PCMTD1: variants seen among roughly 807,000 people sequenced by gnomAD.
PCMTD1 encodes the protein protein-L-isoaspartate (D-aspartate) O-methyltransferase domain containing 1, also known as protein-L-isoaspartate O-methyltransferase domain-containing protein 1.
A neutral mutation model predicts 37.6 loss-of-function variants in PCMTD1; 12 were observed. That is an observed-to-expected ratio of 0.32 (90% CI 0.20 to 0.52). The LOEUF is 0.52. Ranked by LOEUF, PCMTD1 falls within the 20% of genes least tolerant of loss-of-function variation. The pLI is 0.97. For synonymous variants in PCMTD1, 117 were observed against 135.8 expected, an observed-to-expected ratio of 0.86 and a Z score of 0.96; for missense variants, 235 against 421.3, an observed-to-expected ratio of 0.56 and a Z score of 3.87.
chr8:51,847,629 A>G (rs989192759), intron 2 of PCMTD1, among the ~76,000 whole-genome samples: 13 of 152,188 alleles, frequency 8.5e-5, no homozygotes, highest in Admixed American at 3.9e-4. Context: ...TCTGTCTCAA[A>G]AAAAGAAAAA....
intron 3 of PCMTD1, 49 bp from the exon 4 acceptor site, chr8:51,833,738 C>A (rs756167173): frequency 2.6e-6 from 4 of 1,520,638 alleles, no homozygotes; most frequent in Non-Finnish European, 3.6e-6. Flanking sequence ...AACATTAGAT[C>A]TAAAAAATTT....
At chr8:51,870,167 G>A (rs952465151) in intron 1 of PCMTD1, 1 of 152,246 alleles carries the variant, frequency 6.6e-6, no homozygotes, top group African/African-American at 2.4e-5. Context: ...CCAGAGGGAA[G>A]CAGTCAACTG....
intron 1 of PCMTD1, among the ~76,000 whole-genome samples, chr8:51,874,002 T>A (rs1418622484): frequency 6.6e-6 from 1 of 150,570 alleles, no homozygotes; most frequent in Non-Finnish European, 1.5e-5. Flanking sequence ...AAGCTCCGCC[T>A]CCCGGGTTCA....
At chr8:51,877,833 T>C (rs2129291081) in intron 1 of PCMTD1, among the ~76,000 whole-genome samples, 1 of 152,330 alleles carries the variant, frequency 6.6e-6, no homozygotes, top group Non-Finnish European at 1.5e-5. Context: ...TGGCATTGTA[T>C]CATTATTAAA....
In PCMTD1 at chr8:51,833,831, A is replaced by G. The variant is rs191655465; in HGVS notation, c.411-142T>C. 41 of 541,732 alleles carry G rather than the reference A, an allele frequency of 7.6e-5. No homozygotes were observed. In the East Asian group the frequency reaches 1.3e-3, roughly 18 times the overall value. The allele number at this position is 541,732 out of a possible 1,614,324, so 33.6% of individuals were successfully genotyped here. A position where few individuals can be genotyped will look rare whatever the true frequency, so the allele number is the denominator to read the frequency against. On this transcript the variant is annotated intron_variant, in intron 3 of 5. Transcript: ENST00000522514. ...TGATTATAAACTTTATTTAAATATAATATTTATTAAGTTTAGCACTCATCA... is the reference window on the plus strand; with the variant it reads ...TGATTATAAACTTTATTTAAATATAGTATTTATTAAGTTTAGCACTCATCA...
At chr8:51,875,248 G>A (rs1246947932) in intron 1 of PCMTD1, among the ~76,000 whole-genome samples, 1 of 152,098 alleles carries the variant, frequency 6.6e-6, no homozygotes, top group Admixed American at 6.5e-5. Context: ...AAGCACTATA[G>A]AAAACAAAGT....
rs539712154 is a variant in PCMTD1, at chr8:51,894,016, G to A, written c.-96+4914C>T. ...TGTTAGAGTACTCAAAACAAATTTA[G>A]AGTACAAAGTATCATCACAGGTTAA... is the stretch of plus-strand genomic sequence containing the variant. On this transcript the variant is annotated intron_variant, in intron 1 of 5. Transcript: ENST00000522514. 2.6e-5 allele frequency among the ~76,000 whole-genome samples: 4 copies of A among 152,272 alleles called. No homozygotes were observed. The South Asian group carries it at 8.3e-4, about 32-fold the overall frequency.
chr8:51,825,295 T>A (rs2037906013), intron 5 of PCMTD1, among the ~76,000 whole-genome samples: 1 of 152,114 alleles, frequency 6.6e-6, no homozygotes, highest in Admixed American at 6.5e-5. Context: ...AATCTATCCA[T>A]CTGACAAAGG....
At chr8:51,841,997 T>C (rs1258829687) in intron 3 of PCMTD1, among the ~76,000 whole-genome samples, 2 of 151,852 alleles carry the variant, frequency 1.3e-5, no homozygotes, top group Non-Finnish European at 2.9e-5. Flanking sequence ...ACAGAGACCA[T>C]CTAGCTTAGC....
chr8:51,885,543 T>C (rs1163498859), intron 1 of PCMTD1, among the ~76,000 whole-genome samples: 1 of 152,232 alleles, frequency 6.6e-6, no homozygotes, highest in Non-Finnish European at 1.5e-5. Context: ...TCTGGTGCCC[T>C]TGCTTCTCTC....
chr8:51,864,901 C>T (rs1275277474), intron 1 of PCMTD1, among the ~76,000 whole-genome samples: 1 of 151,930 alleles, frequency 6.6e-6, no homozygotes, highest in Non-Finnish European at 1.5e-5. Context: ...ATCAGTGAAA[C>T]TAAGCGTTGG....
intron 1 of PCMTD1, among the ~76,000 whole-genome samples, chr8:51,875,977 T>C (rs926798720): frequency 6.6e-5 from 10 of 151,748 alleles, no homozygotes; most frequent in African/African-American, 1.9e-4. Flanking sequence ...TGTGTGTGTG[T>C]GCATGTGCGT....
At chr8:51,828,845 T>C (rs988547689) in intron 5 of PCMTD1, among the ~76,000 whole-genome samples, 2 of 152,184 alleles carry the variant, frequency 1.3e-5, no homozygotes, top group African/African-American at 2.4e-5. Flanking sequence ...TCCCAGAGAA[T>C]ACCCAGTGAT....
At position 51,825,701 on chromosome 8, in the gene PCMTD1, A is replaced by C. The variant is rs1399297901; in HGVS notation, c.707-4983T>G. On this transcript the variant is annotated intron_variant, in intron 5 of 5. Coordinates refer to ENST00000522514, the MANE Select transcript of PCMTD1 (RefSeq NM_052937.4). ...GGGCGACAGAGCGAGACTCCGTCTCAAAAAAAAAAAAAAAAAAAAAAAAAA... is the reference window on the plus strand; with the variant it reads ...GGGCGACAGAGCGAGACTCCGTCTCCAAAAAAAAAAAAAAAAAAAAAAAAA... Among the ~76,000 whole-genome samples, 3 of 107,786 alleles carry C rather than the reference A, an allele frequency of 2.8e-5. 1 individual carries two copies. Among genetic ancestry groups the C allele is most frequent in the Admixed American group, 1.9e-4 (2 of 10,354 alleles). 70.7% of individuals were successfully genotyped at this position (107,786 alleles called of 152,430 possible).
chr8:51,887,978 CG>C (rs1467325448), intron 1 of PCMTD1, among the ~76,000 whole-genome samples: 2 of 152,020 alleles, frequency 1.3e-5, no homozygotes, highest in African/African-American at 4.8e-5. Context: ...CTCTTGACCT[CG>C]TGATCCGCCC....
At chr8:51,892,281 C>T (rs2038946817) in intron 1 of PCMTD1, among the ~76,000 whole-genome samples, 1 of 152,210 alleles carries the variant, frequency 6.6e-6, no homozygotes, top group Non-Finnish European at 1.5e-5. Flanking sequence ...ACACCAAACT[C>T]CAGATACCAC....
In PCMTD1 at chr8:51,833,083, G is replaced by C. The variant is rs577632582; in HGVS notation, c.582+435C>G. Among the ~76,000 whole-genome samples, 63 of 152,306 alleles carry C rather than the reference G, an allele frequency of 4.1e-4. 1 individual carries two copies. Among genetic ancestry groups the C allele is most frequent in the Admixed American group, 2.4e-3 (37 of 15,302 alleles). On this transcript the variant is annotated intron_variant, in intron 4 of 5. Transcript: ENST00000522514. ...TGATCTTGAACTCCTGGGCTCAAGC[G>C]ATCTGCCTGCCTCAGCCGCCCAAAG...
intron 3 of PCMTD1, among the ~76,000 whole-genome samples, chr8:51,842,358 T>A (rs1370691746): frequency 6.6e-6 from 1 of 152,132 alleles, no homozygotes; most frequent in African/African-American, 2.4e-5. Flanking sequence ...GGAGAAAGGG[T>A]CTCACTCTGT....
intron 5 of PCMTD1, among the ~76,000 whole-genome samples, chr8:51,821,616 T>C (rs2037849112): frequency 6.6e-6 from 1 of 152,178 alleles, no homozygotes; most frequent in African/African-American, 2.4e-5. Flanking sequence ...CTCCCTGCAC[T>C]TATGCAACTT....
Sources: allele counts gnomAD v4.1 joint callset (sites outside exome capture counted in the v4.1 genomes callset), GRCh38; gene constraint gnomAD v4.1.1; transcripts MANE v1.5; gene names NCBI Gene and HGNC (gene_info 2026-07-23, HGNC 2026-07-21).